The following PLAG1 variants were observed in gnomAD, a reference collection of about 807,000 sequenced individuals.
PLAG1 encodes zinc finger protein PLAG1.
PLAG1 carries 7 observed loss-of-function variants against 35.5 expected under a neutral mutation model. The observed-to-expected ratio is 0.20, with a 90% confidence interval of 0.11 to 0.37. PLAG1 has a LOEUF of 0.37. Ranked by LOEUF, PLAG1 falls within the 10% of genes least tolerant of loss-of-function variation. The probability of loss-of-function intolerance (pLI) is 1.00; values close to 1 mark genes in which losing one functional copy is unlikely to be tolerated. For missense variants in PLAG1, 454 were observed against 602.8 expected, an observed-to-expected ratio of 0.75 and a Z score of 2.58; for synonymous variants, 229 against 225.4, an observed-to-expected ratio of 1.02 and a Z score of -0.14.
At chr8:56,177,236 G>A (rs1309113697) in intron 2 of PLAG1, among the ~76,000 whole-genome samples, 1 of 152,154 alleles carries the variant, frequency 6.6e-6, no homozygotes, top group Non-Finnish European at 1.5e-5. Context: ...TTCATGGCCT[G>A]GTTCAGGTCT....
chr8:56,167,056 T>G lies in PLAG1; in HGVS notation c.690A>C (p.Arg230=). ...QRFGRKDHLT[R]HMKKSHNQEL... is the part of the protein sequence containing the mutation. The stretch of plus-strand genomic sequence containing the variant: ...CTTGATTGTGACTCTTCTTCATATG[T>G]CGAGTCAGGTGATCCTTTCGCCCAA... Residue 230 remains arginine (R), a synonymous_variant, in exon 5 of 5, where the codon CGA becomes CGC. Coordinates refer to ENST00000316981, the MANE Select transcript of PLAG1 (RefSeq NM_002655.3). This position sits in a 1 kb window ranked among gnomAD's most constrained non-coding sequence, Gnocchi z 5.9. The G allele has an allele frequency of 6.2e-7, 1 of 1,613,954 alleles. No individual in the cohort carries two copies. Among genetic ancestry groups the G allele is most frequent in the Non-Finnish European group, 8.5e-7 (1 of 1,179,824 alleles).
chr8:56,161,219 C>T lies in PLAG1; in HGVS notation c.*5024G>A, dbSNP rs187682830. The T allele has an allele frequency of 2.0e-5, 4 of 197,130 alleles. No homozygotes were observed. Among genetic ancestry groups the T allele is most frequent in the East Asian group, 8.0e-5 (1 of 12,476 alleles). 12.2% of individuals were successfully genotyped at this position (197,130 alleles called of 1,614,324 possible). A position where few individuals can be genotyped will look rare whatever the true frequency, so the allele number is the denominator to read the frequency against. On this transcript the variant is annotated 3_prime_UTR_variant, in exon 5 of 5. Transcript: ENST00000316981. ...AGTTTGTGAATACATTTTAAGTACACGATATACATGATAAGCCACTTGATT... is the reference window on the plus strand; with the variant it reads ...AGTTTGTGAATACATTTTAAGTACATGATATACATGATAAGCCACTTGATT...
intron 1 of PLAG1, among the ~76,000 whole-genome samples, chr8:56,197,769 T>C (rs922812602): frequency 6.6e-6 from 1 of 152,164 alleles, no homozygotes; most frequent in East Asian, 1.9e-4. Flanking sequence ...CATGTGTAGT[T>C]GTCTCTGCCA....
At chr8:56,174,791 C>T (rs73594293) in intron 2 of PLAG1, among the ~76,000 whole-genome samples, 6,514 of 152,202 alleles carry the variant, frequency 0.043, 222 homozygotes, top group African/African-American at 0.1. Flanking sequence ...ATTGAACATG[C>T]ACAGACTTTT....
At chr8:56,194,420 A>G (rs1301482927) in intron 1 of PLAG1, among the ~76,000 whole-genome samples, 1 of 152,176 alleles carries the variant, frequency 6.6e-6, no homozygotes, top group African/African-American at 2.4e-5. Flanking sequence ...AAAGGTGGAG[A>G]ATAAATGAGC....
rs910647550 is a variant in PLAG1 at position 56,162,427 on chromosome 8, A to T, written c.*3816T>A. 7 of 221,216 alleles carry T rather than the reference A, an allele frequency of 3.2e-5. No homozygotes were observed. Among genetic ancestry groups the T allele is most frequent in the African/African-American group, 1.3e-4 (6 of 44,758 alleles). The allele number at this position is 221,216 out of a possible 1,614,324, so 13.7% of individuals were successfully genotyped here. On this transcript the variant is annotated 3_prime_UTR_variant, in exon 5 of 5. Coordinates refer to ENST00000316981, the MANE Select transcript of PLAG1 (RefSeq NM_002655.3). ...CACACTGATTCTGTGCAATATAGCA[A>T]ATTGATAAGAAAACACTGTAAAAAT... is the stretch of plus-strand genomic sequence containing the variant.
In PLAG1 at chr8:56,200,113, G is replaced by A. The variant is rs1812507879; in HGVS notation, c.-322+11008C>T. 4.6e-5 allele frequency among the ~76,000 whole-genome samples: 7 copies of A among 152,280 alleles called. 1 individual carries two copies. In the South Asian group the frequency reaches 1.0e-3, roughly 23 times the overall value. On this transcript the variant is annotated intron_variant, in intron 1 of 4. Transcript: ENST00000316981. ...ACTCAACTGCAGAAGAATGGGGCAC[G>A]TGCTGCATATGCGGGCCCAAGCATC...
intron 1 of PLAG1, among the ~76,000 whole-genome samples, chr8:56,210,659 T>C (rs1222069594): frequency 1.3e-5 from 2 of 151,702 alleles, no homozygotes; most frequent in Non-Finnish European, 2.9e-5. Flanking sequence ...ATGCGGAGAG[T>C]TTACTCTCAA....
In PLAG1 at chr8:56,171,158, A is replaced by G; in HGVS notation, c.-185T>C. 1.0e-6 allele frequency: 1 copy of G among 980,864 alleles called. No homozygotes were observed. The highest frequency in any genetic ancestry group is 1.2e-6 in the Non-Finnish European group (1 of 825,434). The allele number at this position is 980,864 out of a possible 1,614,324, so 60.8% of individuals were successfully genotyped here. A position where few individuals can be genotyped will look rare whatever the true frequency, so the allele number is the denominator to read the frequency against. On this transcript the variant is annotated 5_prime_UTR_variant, in exon 3 of 5. Coordinates refer to ENST00000316981, the MANE Select transcript of PLAG1 (RefSeq NM_002655.3). ...GTCCCATTGACTCTTCGTGGAAGAGAGTGGAATCCAATCCTTCCCATTTTG... is the reference window on the plus strand; with the variant it reads ...GTCCCATTGACTCTTCGTGGAAGAGGGTGGAATCCAATCCTTCCCATTTTG...
chr8:56,172,826 A>C (rs1217589405), intron 2 of PLAG1, among the ~76,000 whole-genome samples: 1 of 152,218 alleles, frequency 6.6e-6, no homozygotes, highest in Admixed American at 6.5e-5. Flanking sequence ...AAAAGAGGGG[A>C]TAGTGCCTAT....
Position 56,168,340 on chromosome 8 carries a change from G to C in PLAG1, c.-71C>G. The C allele has an allele frequency of 7.1e-7, 1 of 1,406,422 alleles. No individual in the cohort carries two copies. Among genetic ancestry groups the C allele is most frequent in the Non-Finnish European group, 9.3e-7 (1 of 1,072,122 alleles). The allele number at this position is 1,406,422 out of a possible 1,614,324, so 87.1% of individuals were successfully genotyped here. On this transcript the variant is annotated 5_prime_UTR_variant, in exon 4 of 5. Coordinates refer to ENST00000316981, the MANE Select transcript of PLAG1 (RefSeq NM_002655.3). ...AACTCCACTAAATGATATAGCTTTA[G>C]GTGGCTTCTCAAGTTTCATGTGGTC...
At chr8:56,184,575 A>C (rs890873532) in intron 1 of PLAG1, among the ~76,000 whole-genome samples, 2 of 152,174 alleles carry the variant, frequency 1.3e-5, no homozygotes, top group African/African-American at 4.8e-5. Flanking sequence ...ACTAGATGCA[A>C]CCCGAAGGTC....
intron 1 of PLAG1, among the ~76,000 whole-genome samples, chr8:56,187,833 G>A (rs7834407): frequency 0.054 from 8,197 of 152,002 alleles, 766 homozygotes; most frequent in African/African-American, 0.19. Context: ...GCATAGGCAG[G>A]GTGTACCTTA....
intron 1 of PLAG1, among the ~76,000 whole-genome samples, chr8:56,183,749 C>A (rs1811939249): frequency 6.6e-6 from 1 of 151,076 alleles, no homozygotes; most frequent in Non-Finnish European, 1.5e-5. Flanking sequence ...GTTTTTTTAA[C>A]AAATGCTGCT....
chr8:56,189,355 G>A (rs895487176), intron 1 of PLAG1, among the ~76,000 whole-genome samples: 1 of 152,168 alleles, frequency 6.6e-6, no homozygotes, highest in South Asian at 2.1e-4. Flanking sequence ...ATATCAGGAC[G>A]CTGCAGTCAC....
chr8:56,177,195 AGTAGTACTAAAAAAT>A (rs1811724984), intron 2 of PLAG1, among the ~76,000 whole-genome samples: 1 of 152,220 alleles, frequency 6.6e-6, no homozygotes, highest in Admixed American at 6.5e-5. Flanking sequence ...CTGATGCTTT[AGTAGTACTAAAAAAT>A]GTAATGAAAA....
chr8:56,186,939 C>T (rs1812037368), intron 1 of PLAG1, among the ~76,000 whole-genome samples: 1 of 152,204 alleles, frequency 6.6e-6, no homozygotes. Context: ...TGGTCTCGAA[C>T]TCCTGACCTC....
chr8:56,205,596 TTGTTATTTTACTC>T (rs1164670852), intron 1 of PLAG1, among the ~76,000 whole-genome samples: 1 of 151,954 alleles, frequency 6.6e-6, no homozygotes, highest in Non-Finnish European at 1.5e-5. Flanking sequence ...TTTACCACAA[TTGTTATTTTACTC>T]TGAAATTCTT....
At chr8:56,180,124 T>C (rs113015336) in intron 1 of PLAG1, among the ~76,000 whole-genome samples, 1 of 152,234 alleles carries the variant, frequency 6.6e-6, no homozygotes, top group African/African-American at 2.4e-5. Flanking sequence ...ATGCAAAATG[T>C]ATTCTGAAGT....
Sources: allele counts gnomAD v4.1 joint callset (sites outside exome capture counted in the v4.1 genomes callset), GRCh38; gene constraint gnomAD v4.1.1; non-coding constraint Gnocchi (gnomAD v3.1); transcripts MANE v1.5; gene names NCBI Gene and HGNC (gene_info 2026-07-23, HGNC 2026-07-21).